Variants in MUC12 observed in about 807,000 individuals in gnomAD.
The protein encoded by MUC12 is mucin-12.
Under a neutral mutation model 230.8 loss-of-function variants are expected in MUC12, and 172 were observed. The observed-to-expected ratio is 0.75, with a 90% CI of 0.66 to 0.85. The LOEUF is 0.85. MUC12 is among the 40% of genes least tolerant of loss of function. The pLI is 0.00. For missense variants in MUC12, 3,506 were observed against 5,920.6 expected, an observed-to-expected ratio of 0.59 and a Z score of 13.38; for synonymous variants, 1,259 against 2,401.9, an observed-to-expected ratio of 0.52 and a Z score of 13.91.
Position 100,991,717 on chromosome 7 carries a change from A to C in MUC12, c.1154A>C (p.Glu385Ala), listed in dbSNP as rs1584831489. ...ESSTTSGHSEESATFHGSTTH... is the reference protein window; with the variant it reads ...ESSTTSGHSEASATFHGSTTH... ...TCCACAACTTCAGGCCATAGTGAAG[A>C]ATCAGCAACTTTCCACGGCAGCACA... The change falls in exon 2 of 12, where the codon GAA becomes GCA. Residue 385 changes from glutamate to alanine, a missense_variant. Glu to Ala is a moderately radical substitution (Grantham distance 107). Coordinates refer to ENST00000536621, the MANE Select transcript of MUC12 (RefSeq NM_001164462.2). The C allele has an allele frequency of 6.5e-7, 1 of 1,537,898 alleles. No homozygotes were observed. Among genetic ancestry groups the C allele is most frequent in the Non-Finnish European group, 8.7e-7 (1 of 1,147,090 alleles).
In MUC12 at chr7:100,969,604, G is replaced by C; in HGVS notation, c.-19G>C. On this transcript the variant is annotated 5_prime_UTR_variant, in exon 1 of 12. Coordinates refer to ENST00000536621, the MANE Select transcript of MUC12 (RefSeq NM_001164462.2). ...CCTGATGAGAGAAGATGGGCAGCCA[G>C]GGGCCCGTTCCCCGGGAGATGCTGG... 4 of 1,537,346 alleles carry C rather than the reference G, an allele frequency of 2.6e-6. No individual in the cohort carries two copies. Among genetic ancestry groups the C allele is most frequent in the Non-Finnish European group, 3.5e-6 (4 of 1,146,866 alleles).
intron 1 of MUC12, among the ~76,000 whole-genome samples, chr7:100,989,250 A>G (rs1793242052): frequency 1.3e-5 from 2 of 151,914 alleles, no homozygotes; most frequent in Admixed American, 6.6e-5. Context: ...CTGGGATTAC[A>G]GGTGCCTGCC....
At chr7:100,985,808 G>C (rs985946215) in intron 1 of MUC12, among the ~76,000 whole-genome samples, 5 of 152,060 alleles carry the variant, frequency 3.3e-5, no homozygotes, top group African/African-American at 1.2e-4. Context: ...AGGCCAGAGG[G>C]GTCCCTCACT....
At chr7:101,006,029 C>T (rs1793743706) in intron 2 of MUC12, among the ~76,000 whole-genome samples, 1 of 152,096 alleles carries the variant, frequency 6.6e-6, no homozygotes. Context: ...AACTCCTGAC[C>T]TCAAGTGATC....
At chr7:100,983,877 G>C (rs901884364) in intron 1 of MUC12, among the ~76,000 whole-genome samples, 1 of 152,114 alleles carries the variant, frequency 6.6e-6, no homozygotes, top group African/African-American at 2.4e-5. Context: ...GTAAACCCAA[G>C]AGACTCCCAT....
rs1415088454 is a variant in MUC12, at chr7:100,990,834, A to G, written c.271A>G (p.Thr91Ala). ...STVSHSGPGATGTTLFPSHSA... is the reference protein window; with the variant it reads ...STVSHSGPGAAGTTLFPSHSA... ...AGTATCCCACAGCGGCCCAGGTGCA[A>G]CTGGAACAACACTCTTCCCTTCCCA... Residue 91 changes from threonine to alanine, a missense_variant, in exon 2 of 12, where the codon ACT becomes GCT. Physicochemically the swap from Thr to Ala is moderately conservative, Grantham distance 58 (BLOSUM62 0). Coordinates refer to ENST00000536621, the MANE Select transcript of MUC12 (RefSeq NM_001164462.2). 1 of 1,537,774 alleles carries G rather than the reference A, an allele frequency of 6.5e-7. No homozygotes were observed. The highest frequency in any genetic ancestry group is 1.2e-5 in the South Asian group (1 of 84,050).
intron 1 of MUC12, among the ~76,000 whole-genome samples, chr7:100,989,099 C>CTTTT (rs61570080): frequency 4.5e-5 from 6 of 133,998 alleles, no homozygotes; most frequent in African/African-American, 1.4e-4. Flanking sequence ...TCCTCTTCTT[C>CTTTT]TTTTTTTTTT....
Position 100,992,404 on chromosome 7 carries a change from C to G in MUC12, c.1841C>G (p.Ser614Trp), listed in dbSNP as rs530749103. Reference protein sequence around the residue: ...ASMPVHSSTRSPHTTLSPAGS... With the variant: ...ASMPVHSSTRWPHTTLSPAGS... ...ATGCCCGTCCACAGCAGCACCAGAT[C>G]GCCACACACAACACTGTCCCCTGCC... Residue 614 changes from serine to tryptophan, a missense_variant, in exon 2 of 12, where the codon TCG becomes TGG. Transcript: ENST00000536621. 1 of 1,537,488 alleles carries G rather than the reference C, an allele frequency of 6.5e-7. No homozygotes were observed. Among genetic ancestry groups the G allele is most frequent in the African/African-American group, 1.4e-5 (1 of 73,162 alleles).
At chr7:101,007,147 C>T (rs1033690765) in intron 3 of MUC12, among the ~76,000 whole-genome samples, 1 of 151,984 alleles carries the variant, frequency 6.6e-6, no homozygotes, top group Non-Finnish European at 1.5e-5. Flanking sequence ...TTAATAGGGA[C>T]GGAGTTTCAC....
In MUC12 at chr7:101,008,722, C is replaced by T. The variant is rs1470190810; in HGVS notation, c.15147C>T (p.Ser5049=). 1 of 1,537,198 alleles carries T rather than the reference C, an allele frequency of 6.5e-7. No homozygotes were observed. The highest frequency in any genetic ancestry group is 8.7e-7 in the Non-Finnish European group (1 of 1,146,912). Residue 5049 remains serine, a synonymous_variant, in exon 4 of 12, where the codon TCC becomes TCT. Transcript: ENST00000536621. ...CAGAAAAGATGAATGACGCATCCTCCCAGGAATACCAGAACTTCAGTACCC... is the reference window on the plus strand; with the variant it reads ...CAGAAAAGATGAATGACGCATCCTCTCAGGAATACCAGAACTTCAGTACCC... ...NFTEKMNDAS[S]QEYQNFSTLF... is the part of the protein sequence containing the mutation.
At chr7:101,015,378 T>G in intron 9 of MUC12, 1 of 537,402 alleles carries the variant, frequency 1.9e-6, no homozygotes, top group Admixed American at 3.4e-5. Flanking sequence ...ATCTCATGGA[T>G]ATGGAAACTG....
intron 1 of MUC12, among the ~76,000 whole-genome samples, chr7:100,971,321 C>T (rs1398756650): frequency 6.6e-6 from 1 of 151,926 alleles, no homozygotes; most frequent in Non-Finnish European, 1.5e-5. Flanking sequence ...TTTCTGATTC[C>T]TTTCTGGCAG....
Position 101,017,732 on chromosome 7 carries a change from C to G in MUC12, c.15966+69C>G, listed in dbSNP as rs374351936. 4.2e-4 allele frequency: 476 copies of G among 1,133,638 alleles called. 1 individual carries two copies. In the African/African-American group the frequency reaches 7.2e-3, roughly 17 times the overall value. The allele number at this position is 1,133,638 out of a possible 1,614,324, so 70.2% of individuals were successfully genotyped here. A position where few individuals can be genotyped will look rare whatever the true frequency, so the allele number is the denominator to read the frequency against. ...CTTCCTCTGGGGTTCCCTCTTCCCC[C>G]GGGACTCCCTTCTCCCCCTGGGACT... On this transcript the variant is annotated intron_variant, in intron 11 of 11. Transcript: ENST00000536621.
chr7:101,015,587 C>T lies in MUC12; in HGVS notation c.15801-28C>T, dbSNP rs775368877. On this transcript the variant is annotated intron_variant, in intron 9 of 11. Coordinates refer to ENST00000536621, the MANE Select transcript of MUC12 (RefSeq NM_001164462.2). ...AGTCCCTCCTCAGCCTCCTTGCCTA[C>T]AGCTGCTCAAGGCATTTCTGTCTGC... 2.1e-5 allele frequency: 32 copies of T among 1,535,232 alleles called. No individual in the cohort carries two copies. The South Asian group carries it at 3.6e-4, about 17-fold the overall frequency.
chr7:100,990,952 C>G lies in MUC12; in HGVS notation c.389C>G (p.Thr130Arg). The change falls in exon 2 of 12, where the codon ACA (threonine) becomes AGA (arginine). Residue 130 changes from threonine (T) to arginine (R), a missense_variant. By Grantham distance (71) the Thr-to-Arg change is moderately conservative. Coordinates refer to ENST00000536621, the MANE Select transcript of MUC12 (RefSeq NM_001164462.2). ...ETTALPGSTT[T>R]AGLSEKSTTF... ...ACAGCGTTACCTGGCAGTACCACAA[C>G]AGCAGGCCTGAGTGAGAAATCTACC... is the stretch of plus-strand genomic sequence containing the variant. The G allele has an allele frequency of 6.5e-7, 1 of 1,537,916 alleles. No homozygotes were observed. Among genetic ancestry groups the G allele is most frequent in the Non-Finnish European group, 8.7e-7 (1 of 1,147,064 alleles).
At chr7:100,982,697 G>T (rs944983683) in intron 1 of MUC12, among the ~76,000 whole-genome samples, 1 of 151,854 alleles carries the variant, frequency 6.6e-6, no homozygotes, top group Admixed American at 6.6e-5. Flanking sequence ...CCAAAGTGCT[G>T]GGATTACAGG....
In MUC12 at chr7:100,991,684, C is replaced by G. The variant is rs541344353; in HGVS notation, c.1121C>G (p.Pro374Arg). ...SPGSTQTMHFPESSTTSGHSE... is the reference protein window; with the variant it reads ...SPGSTQTMHFRESSTTSGHSE... Reference sequence around the variant, plus strand: ...GGCTCAACTCAAACAATGCACTTCCCTGAAAGCTCCACAACTTCAGGCCAT... The same window carrying G: ...GGCTCAACTCAAACAATGCACTTCCGTGAAAGCTCCACAACTTCAGGCCAT... Residue 374 changes from proline (P) to arginine (R), a missense_variant, in exon 2 of 12, where the codon CCT (proline) becomes CGT (arginine). By Grantham distance (103) the Pro-to-Arg change is moderately radical. Transcript: ENST00000536621. 6 of 1,537,626 alleles carry G rather than the reference C, an allele frequency of 3.9e-6. No individual in the cohort carries two copies. The highest frequency in any genetic ancestry group is 2.0e-5 in the Admixed American group (1 of 50,980).
intron 1 of MUC12, among the ~76,000 whole-genome samples, chr7:100,975,408 T>G (rs1584824096): frequency 6.6e-6 from 1 of 152,310 alleles, no homozygotes; most frequent in Non-Finnish European, 1.5e-5. Flanking sequence ...GTGGTGGAGG[T>G]GAGAACAGAT....
Position 100,991,132 on chromosome 7 carries a change from G to C in MUC12, c.569G>C (p.Ser190Thr). 6 of 1,537,802 alleles carry C rather than the reference G, an allele frequency of 3.9e-6. No individual in the cohort carries two copies. Among genetic ancestry groups the C allele is most frequent in the Non-Finnish European group, 4.4e-6 (5 of 1,147,038 alleles). Residue 190 changes from serine (S) to threonine (T), a missense_variant, in exon 2 of 12, where the codon AGT (serine) becomes ACT (threonine). Transcript: ENST00000536621. ...GACAGTACCACCATGCCAGGCGTCA[G>C]TCAGGAATCTACAGCTTCCCACAGC... Reference protein sequence around the residue: ...FPDSTTMPGVSQESTASHSIP... With the variant: ...FPDSTTMPGVTQESTASHSIP...
Sources: gnomAD v4.1 joint callset for allele counts (sites outside exome capture counted in the v4.1 genomes callset) on GRCh38, gnomAD v4.1.1 for gene constraint, MANE v1.5 for transcripts, NCBI Gene and HGNC (gene_info 2026-07-23, HGNC 2026-07-21) for gene names.